The following SLC4A4 variants were observed in gnomAD, a reference collection of about 807,000 sequenced individuals.
The protein encoded by SLC4A4 is electrogenic sodium bicarbonate cotransporter 1.
Under a neutral mutation model 111.5 loss-of-function variants are expected in SLC4A4, and 27 were observed. The observed-to-expected ratio is 0.24, with a 90% CI of 0.18 to 0.33. The LOEUF is 0.33. Among genes scored for constraint, SLC4A4 ranks in the 10% least tolerant of loss-of-function variants. SLC4A4 has a pLI of 1.00. For synonymous variants in SLC4A4, 443 were observed against 463.4 expected (o/e 0.96, Z 0.57); for missense variants, 909 against 1,315.5 (o/e 0.69, Z 4.78).
intron 6 of SLC4A4, among the ~76,000 whole-genome samples, chr4:71,382,923 A>G (rs931053543): frequency 1.3e-5 from 2 of 152,190 alleles, no homozygotes; most frequent in African/African-American, 4.8e-5. Context: ...ACTGATTCTG[A>G]TATGAATTTC....
At chr4:71,190,396 ACACACACACACAC>A (rs1242758443) in intron 1 of SLC4A4, among the ~76,000 whole-genome samples, 61 of 124,462 alleles carry the variant, frequency 4.9e-4, no homozygotes, top group African/African-American at 3.0e-3. Context: ...ACACACACAC[ACACACACACACAC>A]ACACACACAC....
In SLC4A4 at chr4:71,571,997, G is replaced by T. The variant is rs545254501; in HGVS notation, c.*4246G>T. On this transcript the variant is annotated 3_prime_UTR_variant, in exon 26 of 26. Coordinates refer to ENST00000264485, the MANE Select transcript of SLC4A4 (RefSeq NM_001098484.3). ...GAAGCTTTCTATTGTGACTTTTATGGAATTAAGAGATGAAGAAGATGAGAT... is the reference window on the plus strand; with the variant it reads ...GAAGCTTTCTATTGTGACTTTTATGTAATTAAGAGATGAAGAAGATGAGAT... The T allele has an allele frequency of 2.6e-5, 4 of 152,254 alleles. No homozygotes were observed. In the East Asian group the frequency reaches 7.8e-4, roughly 30 times the overall value. 9.4% of individuals were successfully genotyped at this position (152,254 alleles called of 1,614,324 possible). A position where few individuals can be genotyped will look rare whatever the true frequency, so the allele number is the denominator to read the frequency against.
chr4:71,454,414 T>G (rs895277559), intron 12 of SLC4A4, among the ~76,000 whole-genome samples: 1 of 152,206 alleles, frequency 6.6e-6, no homozygotes, highest in Non-Finnish European at 1.5e-5. Context: ...TGCTAGGTGA[T>G]GAATACGAGT....
intron 16 of SLC4A4, among the ~76,000 whole-genome samples, chr4:71,531,589 T>G (rs887788020): frequency 6.6e-6 from 1 of 152,112 alleles, no homozygotes; most frequent in Admixed American, 6.6e-5. Context: ...TACTCTGTAC[T>G]CACAGTGCTG....
At chr4:71,553,903 C>A in intron 20 of SLC4A4, among the ~76,000 whole-genome samples, 1 of 151,868 alleles carries the variant, frequency 6.6e-6, no homozygotes, top group South Asian at 2.1e-4. Flanking sequence ...TTTCTGACAT[C>A]AAGAGCAAAA....
intron 2 of SLC4A4, among the ~76,000 whole-genome samples, chr4:71,250,231 A>G (rs1034735732): frequency 6.6e-6 from 1 of 152,214 alleles, no homozygotes; most frequent in Non-Finnish European, 1.5e-5. Flanking sequence ...GCAGAAGACC[A>G]GGTTATATTA....
At chr4:71,371,837 G>C (rs139060415) in intron 6 of SLC4A4, among the ~76,000 whole-genome samples, 87 of 152,180 alleles carry the variant, frequency 5.7e-4, no homozygotes, top group African/African-American at 2.1e-3. Context: ...CTTGAAACAA[G>C]GGTGTTGTAC....
chr4:71,294,163 C>T (rs1206420658), intron 3 of SLC4A4, among the ~76,000 whole-genome samples: 1 of 152,130 alleles, frequency 6.6e-6, no homozygotes, highest in East Asian at 1.9e-4. Context: ...CAAAAATAAA[C>T]TAAATAAAAT....
chr4:71,137,263 C>G (rs754738412), intron 2 of SLC4A4, among the ~76,000 whole-genome samples: 1 of 152,166 alleles, frequency 6.6e-6, no homozygotes, highest in African/African-American at 2.4e-5. Flanking sequence ...GTTCTGATAA[C>G]TGGATCCCTG....
chr4:71,206,263 C>A (rs546106933), intron 1 of SLC4A4, among the ~76,000 whole-genome samples: 1 of 149,700 alleles, frequency 6.7e-6, no homozygotes, highest in South Asian at 2.2e-4. Context: ...GAAAACAAGA[C>A]CAAAAGACTA....
chr4:71,317,613 CAA>C (rs1202793364), intron 3 of SLC4A4, among the ~76,000 whole-genome samples: 7 of 152,126 alleles, frequency 4.6e-5, no homozygotes, highest in Middle Eastern at 6.8e-3. Flanking sequence ...GCCTCATTTT[CAA>C]AGAGTTCAAA....
At chr4:71,348,765 C>T (rs1300420742) in intron 4 of SLC4A4, among the ~76,000 whole-genome samples, 2 of 151,890 alleles carry the variant, frequency 1.3e-5, no homozygotes, top group East Asian at 1.9e-4. Flanking sequence ...TTTTTCCCCT[C>T]CTCTGGGGGT....
At chr4:71,305,623 C>G (rs1024173113) in intron 3 of SLC4A4, among the ~76,000 whole-genome samples, 3 of 152,144 alleles carry the variant, frequency 2.0e-5, no homozygotes, top group African/African-American at 4.8e-5. Flanking sequence ...CCATCTTTAC[C>G]ACTAGCACAC....
intron 6 of SLC4A4, among the ~76,000 whole-genome samples, chr4:71,369,888 T>A (rs1731701035): frequency 6.6e-6 from 1 of 152,102 alleles, no homozygotes; most frequent in Non-Finnish European, 1.5e-5. Flanking sequence ...CATAAATAGA[T>A]AACAATTGTA....
rs1491113972 is a variant in SLC4A4 at position 71,536,465 on chromosome 4, C to CATATATACATATATATATATAT, written c.2442+2084_2442+2085insCATATATATATATATATATATA. Among the ~76,000 whole-genome samples the CATATATACATATATATATATAT allele has an allele frequency of 7.4e-5, 3 of 40,694 alleles. No homozygotes were observed. The Admixed American group carries it at 1.1e-3, about 15-fold the overall frequency. 26.7% of individuals were successfully genotyped at this position (40,694 alleles called of 152,430 possible). On this transcript the variant is annotated intron_variant, in intron 18 of 25. Coordinates refer to ENST00000264485, the MANE Select transcript of SLC4A4 (RefSeq NM_001098484.3). ...GCATATATACATATATACATATATA[C>CATATATACATATATATATATAT]ATATATATATATATATATATATGTA...
intron 2 of SLC4A4, among the ~76,000 whole-genome samples, chr4:71,164,196 C>G (rs748255010): frequency 6.6e-6 from 1 of 152,104 alleles, no homozygotes; most frequent in East Asian, 1.9e-4. Flanking sequence ...GCCTGGCCAA[C>G]ATGGTGAAAC....
chr4:71,517,335 G>A (rs977475336), intron 16 of SLC4A4, among the ~76,000 whole-genome samples: 1 of 151,066 alleles, frequency 6.6e-6, no homozygotes, highest in African/African-American at 2.4e-5. Context: ...TTGTCTTTAA[G>A]TTCACAGATT....
At chr4:71,433,708 T>C (rs1215736112) in intron 7 of SLC4A4, among the ~76,000 whole-genome samples, 1 of 152,066 alleles carries the variant, frequency 6.6e-6, no homozygotes, top group Non-Finnish European at 1.5e-5. Flanking sequence ...AGTCTTTAGC[T>C]GGGAGGCAGG....
chr4:71,254,773 A>C (rs1721320376), intron 2 of SLC4A4, among the ~76,000 whole-genome samples: 1 of 152,100 alleles, frequency 6.6e-6, no homozygotes, highest in African/African-American at 2.4e-5. Context: ...AACCCTACCC[A>C]GTATAATCAT....
Sources: gnomAD v4.1 joint callset for allele counts (sites outside exome capture counted in the v4.1 genomes callset) on GRCh38, gnomAD v4.1.1 for gene constraint, MANE v1.5 for transcripts, NCBI Gene and HGNC (gene_info 2026-07-23, HGNC 2026-07-21) for gene names.